Variants in SEPSECS observed in about 807,000 individuals in gnomAD.
SEPSECS encodes Sep (O-phosphoserine) tRNA:Sec (selenocysteine) tRNA synthase.
Under a neutral mutation model 52.1 loss-of-function variants are expected in SEPSECS, and 42 were observed. The observed-to-expected ratio is 0.81, with a 90% CI of 0.63 to 1.04. SEPSECS has a LOEUF of 1.04. SEPSECS is among the 50% of genes least tolerant of loss of function. SEPSECS has a pLI of 0.00. For missense variants in SEPSECS, 590 were observed against 610.6 expected, an observed-to-expected ratio of 0.97 and a Z score of 0.36; for synonymous variants, 216 against 211.4, an observed-to-expected ratio of 1.02 and a Z score of -0.19.
At chr4:25,135,205 G>C (rs908388749) in intron 8 of SEPSECS, among the ~76,000 whole-genome samples, 1 of 147,196 alleles carries the variant, frequency 6.8e-6, no homozygotes, top group African/African-American at 2.5e-5. Context: ...AAACAACCAA[G>C]ATCACAGTGG....
intron 2 of SEPSECS, among the ~76,000 whole-genome samples, 193 bp from the exon 3 acceptor site, chr4:25,157,167 ATAGC>A (rs1441297841): frequency 6.6e-6 from 1 of 152,190 alleles, no homozygotes; most frequent in African/African-American, 2.4e-5. Flanking sequence ...TTATGCTGTG[ATAGC>A]TAGTTTCCAA....
In SEPSECS at chr4:25,120,611, A is replaced by G. The variant is rs1254113486; in HGVS notation, c.*3320T>C. On this transcript the variant is annotated 3_prime_UTR_variant, in exon 11 of 11. Coordinates refer to ENST00000382103, the MANE Select transcript of SEPSECS (RefSeq NM_016955.4). ...ACTGGACTTTTTTCAGTTACAAAAT[A>G]AGGTTGGCCTCAAAAATGCAAAACA... 6.6e-6 allele frequency: 1 copy of G among 152,168 alleles called. No homozygotes were observed. The highest frequency in any genetic ancestry group is 1.5e-5 in the Non-Finnish European group (1 of 67,988). 9.4% of individuals were successfully genotyped at this position (152,168 alleles called of 1,614,324 possible).
chr4:25,137,270 G>A (rs962618004), intron 8 of SEPSECS, among the ~76,000 whole-genome samples: 10 of 152,140 alleles, frequency 6.6e-5, no homozygotes, highest in Non-Finnish European at 1.3e-4. Context: ...TCATCAGAGT[G>A]AACTGACAAC....
chr4:25,154,478 CTTTCCTTTTTGCT>C (rs1208232170), intron 5 of SEPSECS, among the ~76,000 whole-genome samples: 1 of 152,068 alleles, frequency 6.6e-6, no homozygotes, highest in Non-Finnish European at 1.5e-5. Context: ...TTTGCTTTTT[CTTTCCTTTTTGCT>C]TTTATTTTCT....
Position 25,149,307 on chromosome 4 carries a change from C to T in SEPSECS, c.804+2653G>A, listed in dbSNP as rs189639584. 3.5e-3 allele frequency among the ~76,000 whole-genome samples: 529 copies of T among 152,096 alleles called. 2 individuals carry two copies. The highest frequency in any genetic ancestry group is 0.027 in the Middle Eastern group (8 of 294). On this transcript the variant is annotated intron_variant, in intron 6 of 10. Coordinates refer to ENST00000382103, the MANE Select transcript of SEPSECS (RefSeq NM_016955.4). ...TCTCAAACTCCTGGCTTCAAGTGAT[C>T]CACAAGCTTCAGCCTTCCAAAGTGC...
intron 8 of SEPSECS, among the ~76,000 whole-genome samples, chr4:25,136,537 A>G (rs1728849735): frequency 6.6e-6 from 1 of 152,176 alleles, no homozygotes; most frequent in Non-Finnish European, 1.5e-5. Context: ...AAGGGAAACT[A>G]CAAACCACTG....
chr4:25,159,420 G>T, intron 1 of SEPSECS: 1 of 354,008 alleles, frequency 2.8e-6, no homozygotes, highest in Non-Finnish European at 5.3e-6. Flanking sequence ...CTTCAAACCA[G>T]GGCGTTACGA....
intron 6 of SEPSECS, among the ~76,000 whole-genome samples, chr4:25,147,337 T>A (rs1712023587): frequency 6.6e-6 from 1 of 152,218 alleles, no homozygotes; most frequent in African/African-American, 2.4e-5. Flanking sequence ...GGGTTAAAGA[T>A]TTTGTTGGAT....
chr4:25,135,723 T>C (rs991610333), intron 8 of SEPSECS, among the ~76,000 whole-genome samples: 1 of 151,976 alleles, frequency 6.6e-6, no homozygotes, highest in Admixed American at 6.6e-5. Flanking sequence ...CATCCTGATA[T>C]CAAAACCTGG....
rs1407421050 is a variant in SEPSECS at position 25,121,010 on chromosome 4, T to C, written c.*2921A>G. ...CAGAACCACAGTGAAGTGCTGATCA[T>C]AATATTAGAAAAATTTAATTTATAT... is the stretch of plus-strand genomic sequence containing the variant. On this transcript the variant is annotated 3_prime_UTR_variant, in exon 11 of 11. Coordinates refer to ENST00000382103, the MANE Select transcript of SEPSECS (RefSeq NM_016955.4). 6.6e-6 allele frequency: 1 copy of C among 152,194 alleles called. No homozygotes were observed. The highest frequency in any genetic ancestry group is 2.4e-5 in the African/African-American group (1 of 41,464). The allele number at this position is 152,194 out of a possible 1,614,324, so 9.4% of individuals were successfully genotyped here.
At chr4:25,158,511 TATAAA>T (rs1350783864) in intron 2 of SEPSECS, among the ~76,000 whole-genome samples, 2 of 152,110 alleles carry the variant, frequency 1.3e-5, no homozygotes, top group African/African-American at 4.8e-5. Context: ...CAGAGGTATT[TATAAA>T]ATGAGATTCA....
At chr4:25,157,104 C>CA in intron 2 of SEPSECS, 130 bp from the exon 3 acceptor site, 1 of 713,764 alleles carries the variant, frequency 1.4e-6, no homozygotes, top group South Asian at 1.4e-5. Context: ...ATATATGTCA[C>CA]AAACTATTAA....
chr4:25,154,961 A>G, intron 5 of SEPSECS, 37 bp downstream of exon 5: 1 of 1,601,878 alleles, frequency 6.2e-7, no homozygotes, highest in African/African-American at 1.3e-5. Flanking sequence ...TAAAAGACTG[A>G]TAAACAGCTA....
At position 25,144,761 on chromosome 4, in the gene SEPSECS, A is replaced by C; in HGVS notation, c.1026+13T>G. 1 of 1,574,428 alleles carries C rather than the reference A, an allele frequency of 6.4e-7. No individual in the cohort carries two copies. The highest frequency in any genetic ancestry group is 8.7e-7 in the Non-Finnish European group (1 of 1,144,494). On this transcript the variant is annotated intron_variant, in intron 8 of 10. Transcript: ENST00000382103. ...GTCAAGAATGTTATTCGACACCTAA[A>C]GGGAAAGCTTACCTTTCTTTCTTTT...
At chr4:25,147,457 AC>A (rs1712033270) in intron 6 of SEPSECS, among the ~76,000 whole-genome samples, 1 of 152,220 alleles carries the variant, frequency 6.6e-6, no homozygotes, top group Admixed American at 6.5e-5. Context: ...CAGTAGTAAT[AC>A]CTACTTCTCT....
chr4:25,135,194 G>C (rs964031492), intron 8 of SEPSECS, among the ~76,000 whole-genome samples: 2 of 144,104 alleles, frequency 1.4e-5, no homozygotes, highest in African/African-American at 5.2e-5. Context: ...CAGAAGACAA[G>C]AAACAACCAA....
At chr4:25,130,440 TTGCTAA>T (rs1378244087) in intron 8 of SEPSECS, among the ~76,000 whole-genome samples, 1 of 152,238 alleles carries the variant, frequency 6.6e-6, no homozygotes, top group Non-Finnish European at 1.5e-5. Flanking sequence ...TATCAATCAC[TTGCTAA>T]TGCCACTAGA....
chr4:25,137,297 A>C (rs1728876841), intron 8 of SEPSECS, among the ~76,000 whole-genome samples: 3 of 152,198 alleles, frequency 2.0e-5, no homozygotes, highest in African/African-American at 7.2e-5. Flanking sequence ...AATGGGAAAA[A>C]ATTTTTGCAA....
intron 8 of SEPSECS, among the ~76,000 whole-genome samples, chr4:25,139,308 C>T (rs556897787): frequency 1.3e-5 from 2 of 150,792 alleles, no homozygotes; most frequent in Non-Finnish European, 3.0e-5. Flanking sequence ...GGGGCCAATA[C>T]TATTTTTAAA....
Sources: gnomAD v4.1 joint callset for allele counts (sites outside exome capture counted in the v4.1 genomes callset) on GRCh38, gnomAD v4.1.1 for gene constraint, MANE v1.5 for transcripts, NCBI Gene and HGNC (gene_info 2026-07-23, HGNC 2026-07-21) for gene names.